Variants in STAT2 observed in about 807,000 individuals in gnomAD.
STAT2 encodes the protein interferon alpha induced transcriptional activator.
STAT2 carries 51 observed loss-of-function variants against 122.3 expected under a neutral mutation model. That is an observed-to-expected ratio of 0.42 (90% CI 0.33 to 0.53). STAT2 has a LOEUF of 0.53. STAT2 is among the 20% of genes least tolerant of loss of function. The pLI, the probability that STAT2 is intolerant of heterozygous loss-of-function variation, is 0.10. For synonymous variants in STAT2, 351 were observed against 394.9 expected, an observed-to-expected ratio of 0.89 and a Z score of 1.32; for missense variants, 736 against 1,010.3, an observed-to-expected ratio of 0.73 and a Z score of 3.68.
At chr12:56,347,345 C>T (rs1877652567) in intron 19 of STAT2, among the ~76,000 whole-genome samples, 1 of 152,066 alleles carries the variant, frequency 6.6e-6, no homozygotes, top group Non-Finnish European at 1.5e-5. Context: ...TGCACACCAC[C>T]ATGCCTGGCT....
At chr12:56,349,549 G>A in intron 14 of STAT2, 40 bp from the exon 15 acceptor site, 1 of 1,614,150 alleles carries the variant, frequency 6.2e-7, no homozygotes, top group Non-Finnish European at 8.5e-7. Flanking sequence ...AGGCTCTTTG[G>A]CAAGCTCCCC....
intron 16 of STAT2, 30 bp downstream of exon 16, chr12:56,349,133 C>G: frequency 6.2e-7 from 1 of 1,614,108 alleles, no homozygotes; most frequent in Non-Finnish European, 8.5e-7. Context: ...CCTCCTCTCG[C>G]GCCTTGACCT....
intron 1 of STAT2, among the ~76,000 whole-genome samples, chr12:56,358,303 T>C (rs1478193027): frequency 6.6e-6 from 1 of 150,792 alleles, no homozygotes; most frequent in African/African-American, 2.4e-5. Flanking sequence ...TGGAGTGCAG[T>C]GACACGATCT....
chr12:56,356,573 T>C lies in STAT2; in HGVS notation c.-2A>G, dbSNP rs763139618. On this transcript the variant is annotated 5_prime_UTR_variant, in exon 2 of 24. Coordinates refer to ENST00000314128, the MANE Select transcript of STAT2 (RefSeq NM_005419.4). ...CTGCAGCATTTCCCACTGCGCCATT[T>C]GGGCTCTGCGTCAGAAGGATGAGGG... The C allele has an allele frequency of 1.2e-6, 2 of 1,614,190 alleles. No individual in the cohort carries two copies. The highest frequency in any genetic ancestry group is 1.7e-6 in the Non-Finnish European group (2 of 1,180,028).
Position 56,345,504 on chromosome 12 carries a change from AAAAAAAAAAAAAAAAAAAAAAT to A in STAT2, c.2102+620_2102+641del, listed in dbSNP as rs999507117. On this transcript the variant is annotated intron_variant, in intron 22 of 23. Coordinates refer to ENST00000314128, the MANE Select transcript of STAT2 (RefSeq NM_005419.4). ...AACAGAGACCCTGTCTCAAAAAAAA[AAAAAAAAAAAAAAAAAAAAAAT>A]ATATATATATGCGGGGTGTGGTGGC... 3.5e-4 allele frequency among the ~76,000 whole-genome samples: 12 copies of A among 34,390 alleles called. 1 individual carries two copies. Among genetic ancestry groups the A allele is most frequent in the Admixed American group, 2.9e-4 (1 of 3,412 alleles). 22.6% of individuals were successfully genotyped at this position (34,390 alleles called of 152,430 possible).
intron 23 of STAT2, 85 bp downstream of exon 23, chr12:56,343,740 G>A: frequency 6.4e-7 from 1 of 1,572,300 alleles, no homozygotes; most frequent in Non-Finnish European, 8.6e-7. Context: ...GGAGCTTGGA[G>A]TTCAGCTTTT....
chr12:56,359,376 T>C (rs1365788588), intron 1 of STAT2, among the ~76,000 whole-genome samples: 16 of 152,084 alleles, frequency 1.1e-4, no homozygotes, highest in Admixed American at 9.8e-4. Context: ...CCCAGGAGTT[T>C]GAGACCAAGC....
chr12:56,349,015 C>A lies in STAT2; in HGVS notation c.1485G>T (p.Leu495Phe), dbSNP rs2136053200. Residue 495 changes from leucine to phenylalanine, a missense_variant, in exon 17 of 24, where the codon TTG (leucine) becomes TTT (phenylalanine). Physicochemically the swap from Leu to Phe is conservative, Grantham distance 22 (BLOSUM62 0). Transcript: ENST00000314128. ...ACTGCCAACTGAGAGCAGGGCCCAG[C>A]AAGCTCCAGGGGGCCTTGGGGGGGT... ...FSNPPKAPWS[L>F]LGPALSWQFS... The A allele has an allele frequency of 6.2e-7, 1 of 1,613,926 alleles. No homozygotes were observed.
intron 22 of STAT2, among the ~76,000 whole-genome samples, chr12:56,344,431 C>T (rs1159030725): frequency 6.6e-6 from 1 of 152,166 alleles, no homozygotes; most frequent in Non-Finnish European, 1.5e-5. Flanking sequence ...GTATCATTAG[C>T]CACGTACCTT....
Position 56,354,550 on chromosome 12 carries a change from G to A in STAT2, c.698C>T (p.Pro233Leu). The stretch of plus-strand genomic sequence containing the variant: ...CTGGGCCTTCCACTCCTCCAACTTT[G>A]GCAGCAGTAGCTCGATTAGGGTAGT... ...RLTTLIELLL[P>L]KLEEWKAQQQ... Residue 233 changes from proline (P) to leucine (L), a missense_variant, in exon 8 of 24, where the codon CCA (proline) becomes CTA (leucine). By Grantham distance (98) the Pro-to-Leu change is moderately conservative. Transcript: ENST00000314128. The A allele has an allele frequency of 6.2e-7, 1 of 1,614,156 alleles. No individual in the cohort carries two copies. The highest frequency in any genetic ancestry group is 2.2e-5 in the East Asian group (1 of 44,880).
chr12:56,348,855 G>T (rs375065641), intron 17 of STAT2, 51 bp from the exon 18 acceptor site: 3 of 1,614,114 alleles, frequency 1.9e-6, no homozygotes, highest in Admixed American at 3.3e-5. Flanking sequence ...AGGGGTCCTG[G>T]GATAGATAGG....
chr12:56,356,446 C>A lies in STAT2; in HGVS notation c.126G>T (p.Gln42His). The A allele has an allele frequency of 6.2e-7, 1 of 1,613,936 alleles. No homozygotes were observed. Among genetic ancestry groups the A allele is most frequent in the Non-Finnish European group, 8.5e-7 (1 of 1,180,020 alleles). Residue 42 changes from glutamine to histidine, a missense_variant, in exon 2 of 24, where the codon CAG becomes CAT. By Grantham distance (24) the Gln-to-His change is conservative. Transcript: ENST00000314128. Reference sequence around the variant, plus strand: ...CAACTTCCTGAAGGCCTCACCAGTTCTGGTCTTCAATCCAGACAGCCAAGT... The same window carrying A: ...CAACTTCCTGAAGGCCTCACCAGTTATGGTCTTCAATCCAGACAGCCAAGT... Reference protein sequence around the residue: ...RQYLAVWIEDQNWQEAALGSD... With the variant: ...RQYLAVWIEDHNWQEAALGSD...
At position 56,357,128 on chromosome 12, in the gene STAT2, C is replaced by G. The variant is rs1244253886; in HGVS notation, c.-7-550G>C. ...CTTGGCTCATTGCAACCACCATCCC[C>G]CTGGTTCAAGTGATTCTTCTGCCTC... On this transcript the variant is annotated intron_variant, in intron 1 of 23. Transcript: ENST00000314128. Among the ~76,000 whole-genome samples, 6 of 150,672 alleles carry G rather than the reference C, an allele frequency of 4.0e-5. No individual in the cohort carries two copies. The East Asian group carries it at 1.2e-3, about 29-fold the overall frequency.
chr12:56,346,383 T>A (rs1339717806), intron 21 of STAT2, 59 bp downstream of exon 21: 1 of 1,600,112 alleles, frequency 6.2e-7, no homozygotes, highest in African/African-American at 1.3e-5. Context: ...AGGAGTGGGA[T>A]CTATGGATGT....
rs1187550270 is a variant in STAT2, at chr12:56,353,995, C to CAAAA, written c.782+467_782+470dup. Among the ~76,000 whole-genome samples, 27 of 12,768 alleles carry CAAAA rather than the reference C, an allele frequency of 2.1e-3. 3 individuals carry two copies. The highest frequency in any genetic ancestry group is 4.6e-3 in the African/African-American group (14 of 3,016). 8.4% of individuals were successfully genotyped at this position (12,768 alleles called of 152,430 possible). On this transcript the variant is annotated intron_variant, in intron 8 of 23. Transcript: ENST00000314128. ...TGGGCAACAGAGAGAGACTCCGTCT[C>CAAAA]AAAAAAAAAAAAAAAAAAAAAATAT...
At chr12:56,356,074 T>A (rs1480469296) in intron 3 of STAT2, 58 bp downstream of exon 3, 2 of 1,583,528 alleles carry the variant, frequency 1.3e-6, no homozygotes, top group Non-Finnish European at 1.7e-6. Flanking sequence ...TCTCCAAACC[T>A]TACTCCTCTA....
At chr12:56,349,296 G>T in intron 15 of STAT2, 35 bp from the exon 16 acceptor site, 1 of 1,614,138 alleles carries the variant, frequency 6.2e-7, no homozygotes, top group Non-Finnish European at 8.5e-7. Flanking sequence ...AGAGGGATGT[G>T]ATGTTTCTAG....
chr12:56,354,360 G>C, intron 8 of STAT2, 106 bp downstream of exon 8: 2 of 1,540,898 alleles, frequency 1.3e-6, no homozygotes, highest in South Asian at 2.5e-5. Flanking sequence ...GCTCATTCTG[G>C]GGAGCAGAGA....
Position 56,346,578 on chromosome 12 carries a change from C to T in STAT2, c.1908G>A (p.Leu636=), listed in dbSNP as rs752167819. The change falls in exon 21 of 24, where the codon CTG becomes CTA. Residue 636 remains leucine (L), a synonymous_variant. Coordinates refer to ENST00000314128, the MANE Select transcript of STAT2 (RefSeq NM_005419.4). ...YSVQPYTKEV[L]QSLPLTEIIR... is the part of the protein sequence containing the mutation. ...TGATTTCAGTCAGCGGGAGTGACTG[C>T]AGCACCTCCTTCGTGTACGGTTGCA... 8.2e-5 allele frequency: 132 copies of T among 1,614,086 alleles called. No homozygotes were observed. Among genetic ancestry groups the T allele is most frequent in the Non-Finnish European group, 1.1e-4 (127 of 1,180,054 alleles).
Sources: allele counts gnomAD v4.1 joint callset (sites outside exome capture counted in the v4.1 genomes callset), GRCh38; gene constraint gnomAD v4.1.1; transcripts MANE v1.5; gene names NCBI Gene and HGNC (gene_info 2026-07-23, HGNC 2026-07-21).